The following SLC7A5 variants were observed in gnomAD, a reference collection of about 807,000 sequenced individuals.
SLC7A5 encodes the protein solute carrier family 7 member 5, also known as large neutral amino acids transporter small subunit 1.
In SLC7A5, 23 loss-of-function variants were observed where a neutral mutation model predicts 50.2. That is an observed-to-expected ratio of 0.46 (90% CI 0.33 to 0.65). The LOEUF (loss-of-function observed/expected upper bound fraction) is 0.65, where lower values mean the gene tolerates loss of function less well. Among genes scored for constraint, SLC7A5 ranks in the 30% least tolerant of loss-of-function variants. The pLI, the probability that SLC7A5 is intolerant of heterozygous loss-of-function variation, is 0.02. For missense variants in SLC7A5, 578 were observed against 684.4 expected (o/e 0.84, Z 1.73); for synonymous variants, 393 against 330.6 (o/e 1.19, Z -2.05).
At chr16:87,868,610 C>A (rs113509389) in intron 1 of SLC7A5, among the ~76,000 whole-genome samples, 1 of 152,216 alleles carries the variant, frequency 6.6e-6, no homozygotes, top group Non-Finnish European at 1.5e-5. Context: ...TTGCCTAAAC[C>A]GCTTAAGTGG....
At chr16:87,843,975 G>A (rs915397641) in intron 2 of SLC7A5, among the ~76,000 whole-genome samples, 1 of 151,292 alleles carries the variant, frequency 6.6e-6, no homozygotes, top group Non-Finnish European at 1.5e-5. Context: ...AGGACTGGAA[G>A]GAATGGCTGA....
In SLC7A5 at chr16:87,833,704, G is replaced by A. The variant is rs1289378565; in HGVS notation, c.1469-679C>T. ...AATTCTCCAAGCCACCCAGTGACAT[G>A]GGGATCAGCATGTAGGCCCGCAAGC... is the stretch of plus-strand genomic sequence containing the variant. On this transcript the variant is annotated intron_variant, in intron 9 of 9. Coordinates refer to ENST00000261622, the MANE Select transcript of SLC7A5 (RefSeq NM_003486.7). This position sits in a 1 kb window ranked among gnomAD's most constrained non-coding sequence, Gnocchi z 6.0. 6.6e-6 allele frequency among the ~76,000 whole-genome samples: 1 copy of A among 152,178 alleles called. No homozygotes were observed. Among genetic ancestry groups the A allele is most frequent in the Non-Finnish European group, 1.5e-5 (1 of 68,020 alleles).
intron 2 of SLC7A5, among the ~76,000 whole-genome samples, chr16:87,849,833 G>A (rs749058848): frequency 6.6e-6 from 1 of 152,138 alleles, no homozygotes; most frequent in Non-Finnish European, 1.5e-5. Context: ...AGAATCCCTG[G>A]TCAGACACAT....
At chr16:87,840,227 C>T (rs1264623804) in intron 4 of SLC7A5, among the ~76,000 whole-genome samples, 3 of 152,232 alleles carry the variant, frequency 2.0e-5, no homozygotes, top group Non-Finnish European at 1.5e-5. Flanking sequence ...CCTCACTTGC[C>T]ACCCGTTCTC....
chr16:87,832,543 G>A lies in SLC7A5; in HGVS notation c.*427C>T, dbSNP rs2054946806. 1.3e-5 allele frequency: 2 copies of A among 154,208 alleles called. No individual in the cohort carries two copies. Among genetic ancestry groups the A allele is most frequent in the Admixed American group, 1.3e-4 (2 of 15,658 alleles). The allele number at this position is 154,208 out of a possible 1,614,324, so 9.6% of individuals were successfully genotyped here. A position where few individuals can be genotyped will look rare whatever the true frequency, so the allele number is the denominator to read the frequency against. On this transcript the variant is annotated 3_prime_UTR_variant, in exon 10 of 10. Transcript: ENST00000261622. This position sits in a 1 kb window ranked among gnomAD's most constrained non-coding sequence, Gnocchi z 4.6. Reference sequence around the variant, plus strand: ...CAGTGCAAGTCTGTGGTAGCAATGAGGTTCCAAGTCTCAGTAGCTCTGTTT... The same window carrying A: ...CAGTGCAAGTCTGTGGTAGCAATGAAGTTCCAAGTCTCAGTAGCTCTGTTT...
intron 7 of SLC7A5, 35 bp downstream of exon 7, chr16:87,837,810 G>A (rs2143721951): frequency 1.9e-6 from 3 of 1,554,426 alleles, no homozygotes; most frequent in African/African-American, 2.7e-5. Context: ...ACAACCCCCA[G>A]GGATGTAGGG....
chr16:87,834,387 C>T (rs368339825), intron 9 of SLC7A5, 27 bp downstream of exon 9: 50 of 1,549,976 alleles, frequency 3.2e-5, no homozygotes, highest in Middle Eastern at 3.3e-4. Flanking sequence ...GAGGGTACCA[C>T]GGGCTGTGGG....
Position 87,841,893 on chromosome 16 carries a change from T to C in SLC7A5, c.665-738A>G, listed in dbSNP as rs142362608. Among the ~76,000 whole-genome samples the C allele has an allele frequency of 6.5e-3, 985 of 152,312 alleles. 9 individuals are homozygous for C. The highest frequency in any genetic ancestry group is 0.022 in the African/African-American group (932 of 41,570). On this transcript the variant is annotated intron_variant, in intron 2 of 9. Coordinates refer to ENST00000261622, the MANE Select transcript of SLC7A5 (RefSeq NM_003486.7). The surrounding 1 kb of genome is among the most constrained non-coding windows in gnomAD (Gnocchi z 4.8). The stretch of plus-strand genomic sequence containing the variant: ...CATCTGCGAAGACCCTTTTTCCAAA[T>C]AAGGCCACCAGCATTCACAGGTTCC...
In SLC7A5 at chr16:87,869,292, A is replaced by ACGCCCT. The variant is rs747530676; in HGVS notation, c.125_130dup (p.Glu42_Gly43dup). 8 of 1,611,552 alleles carry ACGCCCT rather than the reference A, an allele frequency of 5.0e-6. No individual in the cohort carries two copies. The highest frequency in any genetic ancestry group is 4.5e-5 in the East Asian group (2 of 44,880). ...CAGCGTGATGTTCCGCTGCAGGGTC[A>ACGCCCT]CGCCCTCGCCCTCGCCTGCCGGCGC... On this transcript the variant is annotated inframe_insertion, in exon 1 of 10. Transcript: ENST00000261622.
In SLC7A5 at chr16:87,851,888, A is replaced by ACGGG. The variant is rs147121479; in HGVS notation, c.539-40_539-39insCCCG. Reference sequence around the variant, plus strand: ...GGGCAGCGGTGAGTTCCACGGGCAGACAGACGCCAGCTCAGGGGTAGGCTG... The same window carrying ACGGG: ...GGGCAGCGGTGAGTTCCACGGGCAGACGGGCAGACGCCAGCTCAGGGGTAGGCTG... On this transcript the variant is annotated intron_variant, in intron 1 of 9. Coordinates refer to ENST00000261622, the MANE Select transcript of SLC7A5 (RefSeq NM_003486.7). 476 of 1,611,776 alleles carry ACGGG rather than the reference A, an allele frequency of 3.0e-4. 2 individuals carry two copies. The African/African-American group carries it at 5.9e-3, about 20-fold the overall frequency.
intron 1 of SLC7A5, among the ~76,000 whole-genome samples, chr16:87,859,956 T>G (rs1284121908): frequency 6.6e-6 from 1 of 150,970 alleles, no homozygotes; most frequent in East Asian, 1.9e-4. Flanking sequence ...AATATTCGTC[T>G]CCACAACCTC....
In SLC7A5 at chr16:87,860,438, T is replaced by C. The variant is rs1364002790; in HGVS notation, c.538+8447A>G. On this transcript the variant is annotated intron_variant, in intron 1 of 9. Coordinates refer to ENST00000261622, the MANE Select transcript of SLC7A5 (RefSeq NM_003486.7). The surrounding 1 kb of genome is among the most constrained non-coding windows in gnomAD (Gnocchi z 4.8). ...GAAAAAGGAAATCTTCGAACCCACC[T>C]GTGACCAGGAAGCCCATCCCCGCCT... Among the ~76,000 whole-genome samples, 1 of 148,230 alleles carries C rather than the reference T, an allele frequency of 6.7e-6. No individual in the cohort carries two copies. The highest frequency in any genetic ancestry group is 2.1e-4 in the South Asian group (1 of 4,718).
rs2054957732 is a variant in SLC7A5 at position 87,833,480 on chromosome 16, A to G, written c.1469-455T>C. ...AGACCTGTCGCGCCTGGGACTGTCT[A>G]CAGAGACATCACTCTGTGGAGGGGG... On this transcript the variant is annotated intron_variant, in intron 9 of 9. Transcript: ENST00000261622. This position sits in a 1 kb window ranked among gnomAD's most constrained non-coding sequence, Gnocchi z 6.0. Among the ~76,000 whole-genome samples, 1 of 152,132 alleles carries G rather than the reference A, an allele frequency of 6.6e-6. No homozygotes were observed.
At chr16:87,836,721 G>A (rs977537423) in intron 7 of SLC7A5, 74 bp from the exon 8 acceptor site, 6 of 1,540,458 alleles carry the variant, frequency 3.9e-6, no homozygotes, top group Non-Finnish European at 5.3e-6. Flanking sequence ...TGGCCACCGG[G>A]GACTGTCCAG....
intron 2 of SLC7A5, among the ~76,000 whole-genome samples, chr16:87,851,083 G>C (rs1597506094): frequency 1.3e-5 from 2 of 152,236 alleles, no homozygotes; most frequent in African/African-American, 2.4e-5. Context: ...CAAGACCAAA[G>C]TCTGGGCCAG....
Position 87,832,921 on chromosome 16 carries a change from T to C in SLC7A5, c.*49A>G. ...GAGTGGGTTCGAGGAGGTGATCTACTTTAACTGGCCTCTGCGCATGCTCCT... is the reference window on the plus strand; with the variant it reads ...GAGTGGGTTCGAGGAGGTGATCTACCTTAACTGGCCTCTGCGCATGCTCCT... On this transcript the variant is annotated 3_prime_UTR_variant, in exon 10 of 10. Transcript: ENST00000261622. The surrounding 1 kb of genome is among the most constrained non-coding windows in gnomAD (Gnocchi z 4.6). 1 of 1,519,180 alleles carries C rather than the reference T, an allele frequency of 6.6e-7. No individual in the cohort carries two copies. Among genetic ancestry groups the C allele is most frequent in the Non-Finnish European group, 9.1e-7 (1 of 1,094,058 alleles). 94.1% of individuals were successfully genotyped at this position (1,519,180 alleles called of 1,614,324 possible). A position where few individuals can be genotyped will look rare whatever the true frequency, so the allele number is the denominator to read the frequency against.
rs533646200 is a variant in SLC7A5, at chr16:87,853,359, G to A, written c.539-1510C>T. On this transcript the variant is annotated intron_variant, in intron 1 of 9. Coordinates refer to ENST00000261622, the MANE Select transcript of SLC7A5 (RefSeq NM_003486.7). This position sits in a 1 kb window ranked among gnomAD's most constrained non-coding sequence, Gnocchi z 4.4. Reference sequence around the variant, plus strand: ...ATTCTGTGGATGCCAGAGCGGAGACGGCTACTACACACCAGGAAAGTCTGG... The same window carrying A: ...ATTCTGTGGATGCCAGAGCGGAGACAGCTACTACACACCAGGAAAGTCTGG... Among the ~76,000 whole-genome samples, 3 of 152,300 alleles carry A rather than the reference G, an allele frequency of 2.0e-5. No individual in the cohort carries two copies. Among genetic ancestry groups the A allele is most frequent in the Non-Finnish European group, 2.9e-5 (2 of 68,014 alleles).
intron 6 of SLC7A5, among the ~76,000 whole-genome samples, 190 bp downstream of exon 6, chr16:87,838,524 C>T (rs2055041301): frequency 6.6e-6 from 1 of 152,196 alleles, no homozygotes. Flanking sequence ...AACTCCTGAG[C>T]TCAAGCGATC....
At chr16:87,847,877 C>A (rs1417227246) in intron 2 of SLC7A5, among the ~76,000 whole-genome samples, 1 of 152,150 alleles carries the variant, frequency 6.6e-6, no homozygotes, top group Non-Finnish European at 1.5e-5. Flanking sequence ...AGGCCCCTGC[C>A]CCACAGCCCA....
Sources: allele counts gnomAD v4.1 joint callset (sites outside exome capture counted in the v4.1 genomes callset), GRCh38; gene constraint gnomAD v4.1.1; non-coding constraint Gnocchi (gnomAD v3.1); transcripts MANE v1.5; gene names NCBI Gene and HGNC (gene_info 2026-07-23, HGNC 2026-07-21).